The following BMPR1B variants were observed in gnomAD, a reference collection of about 807,000 sequenced individuals.
BMPR1B encodes the protein bone morphogenetic protein receptor type 1B, also known as bone morphogenetic protein receptor type-1B.
BMPR1B carries 12 observed loss-of-function variants against 59.1 expected under a neutral mutation model. That is an observed-to-expected ratio of 0.20 (90% CI 0.13 to 0.33). The LOEUF (loss-of-function observed/expected upper bound fraction) is 0.33, where lower values mean the gene tolerates loss of function less well. Ranked by LOEUF, BMPR1B falls within the 10% of genes least tolerant of loss-of-function variation. BMPR1B has a pLI of 1.00. For missense variants in BMPR1B, 550 were observed against 610.9 expected (o/e 0.90, Z 1.05); for synonymous variants, 237 against 207.3 (o/e 1.14, Z -1.23).
chr4:95,104,031 C>T (rs746570770), intron 3 of BMPR1B, among the ~76,000 whole-genome samples: 5 of 152,014 alleles, frequency 3.3e-5, no homozygotes, highest in Non-Finnish European at 7.4e-5. Flanking sequence ...GTGTGCAGAT[C>T]TCTTAAACTT....
At chr4:94,986,040 A>T (rs1721384492) in intron 2 of BMPR1B, among the ~76,000 whole-genome samples, 2 of 152,194 alleles carry the variant, frequency 1.3e-5, no homozygotes, top group Admixed American at 1.3e-4. Context: ...AGTATCAATT[A>T]TAAGGGGGCA....
intron 3 of BMPR1B, among the ~76,000 whole-genome samples, chr4:95,058,011 C>T (rs774844696): frequency 7.9e-5 from 12 of 152,054 alleles, no homozygotes; most frequent in Admixed American, 2.6e-4. Context: ...TATAGAAATT[C>T]GGGATGTCAA....
chr4:94,880,099 G>A (rs1388824397), intron 2 of BMPR1B, among the ~76,000 whole-genome samples: 2 of 151,972 alleles, frequency 1.3e-5, no homozygotes, highest in Non-Finnish European at 2.9e-5. Context: ...TAAAAAACAT[G>A]CAACATGCTG....
intron 3 of BMPR1B, among the ~76,000 whole-genome samples, chr4:95,025,398 G>GT (rs1400807928): frequency 1.3e-5 from 2 of 152,156 alleles, no homozygotes; most frequent in Non-Finnish European, 2.9e-5. Flanking sequence ...ACACAGTGGA[G>GT]TTAATAGACT....
At chr4:94,987,234 GTAATATATAATA>G (rs1486890503) in intron 2 of BMPR1B, among the ~76,000 whole-genome samples, 6 of 141,898 alleles carry the variant, frequency 4.2e-5, no homozygotes, top group African/African-American at 1.3e-4. Flanking sequence ...TATAATATAT[GTAATATATAATA>G]TAATATAAAA....
intron 3 of BMPR1B, among the ~76,000 whole-genome samples, chr4:95,057,407 GC>G (rs1727011627): frequency 1.3e-5 from 2 of 151,992 alleles, no homozygotes; most frequent in Non-Finnish European, 2.9e-5. Context: ...ACCACGCCCA[GC>G]TATTTTTGTT....
chr4:95,122,479 TATTATA>T (rs748539956), intron 6 of BMPR1B, among the ~76,000 whole-genome samples: 6 of 152,290 alleles, frequency 3.9e-5, no homozygotes, highest in Non-Finnish European at 7.4e-5. Flanking sequence ...TGTATTAAAA[TATTATA>T]ATTATGTGTC....
intron 10 of BMPR1B, among the ~76,000 whole-genome samples, chr4:95,148,237 G>A (rs1734783380): frequency 6.6e-6 from 1 of 152,110 alleles, no homozygotes; most frequent in Non-Finnish European, 1.5e-5. Context: ...ACATGAAATT[G>A]TCATGTGTGC....
At chr4:95,056,678 A>G (rs964087077) in intron 3 of BMPR1B, among the ~76,000 whole-genome samples, 1 of 152,152 alleles carries the variant, frequency 6.6e-6, no homozygotes, top group Non-Finnish European at 1.5e-5. Flanking sequence ...ATTTAGGATA[A>G]AATCCAGATC....
intron 1 of BMPR1B, among the ~76,000 whole-genome samples, chr4:94,768,831 A>G (rs1199090684): frequency 6.6e-6 from 1 of 152,208 alleles, no homozygotes; most frequent in Non-Finnish European, 1.5e-5. Context: ...TATATTTTGA[A>G]CAAAGGAATG....
At chr4:95,077,094 A>G (rs1209080257) in intron 3 of BMPR1B, among the ~76,000 whole-genome samples, 1 of 152,192 alleles carries the variant, frequency 6.6e-6, no homozygotes, top group Non-Finnish European at 1.5e-5. Flanking sequence ...AACATTGGTT[A>G]GGGACAGGTA....
Position 95,116,421 on chromosome 4 carries a change from G to GCGCACACACACACACACA in BMPR1B, c.349+635_349+636insGCACACACACACACACAC. ...CTCCTCCTCCATGCTTTCAGCGCGCGCACACACACACACACACACACACAC... is the reference window on the plus strand; with the variant it reads ...CTCCTCCTCCATGCTTTCAGCGCGCGCGCACACACACACACACACACACACACACACACACACACACAC... On this transcript the variant is annotated intron_variant, in intron 6 of 12. Coordinates refer to ENST00000515059, the MANE Select transcript of BMPR1B (RefSeq NM_001203.3). Among the ~76,000 whole-genome samples the GCGCACACACACACACACA allele has an allele frequency of 1.2e-3, 153 of 123,248 alleles. 1 individual carries two copies. Among genetic ancestry groups the GCGCACACACACACACACA allele is most frequent in the Middle Eastern group, 8.8e-3 (2 of 228 alleles). The allele number at this position is 123,248 out of a possible 152,430, so 80.9% of individuals were successfully genotyped here.
At position 95,151,011 on chromosome 4, in the gene BMPR1B, A is replaced by C. The variant is rs1246626746; in HGVS notation, c.1253-1632A>C. On this transcript the variant is annotated intron_variant, in intron 11 of 12. Transcript: ENST00000515059. Reference sequence around the variant, plus strand: ...TTTCCAGAGAGGCAAAGCACACAAAATTCTATTTTCTAACACTTTATGAAG... The same window carrying C: ...TTTCCAGAGAGGCAAAGCACACAAACTTCTATTTTCTAACACTTTATGAAG... 2.6e-5 allele frequency among the ~76,000 whole-genome samples: 4 copies of C among 152,210 alleles called. No individual in the cohort carries two copies. The East Asian group carries it at 7.7e-4, about 29-fold the overall frequency.
intron 3 of BMPR1B, among the ~76,000 whole-genome samples, chr4:95,095,304 G>A (rs1160029358): frequency 1.3e-5 from 2 of 152,154 alleles, no homozygotes; most frequent in Non-Finnish European, 2.9e-5. Context: ...TTATTCCTGT[G>A]TGAAATAGAC....
chr4:94,795,844 G>A (rs1400114243), intron 1 of BMPR1B, among the ~76,000 whole-genome samples: 1 of 152,128 alleles, frequency 6.6e-6, no homozygotes, highest in Non-Finnish European at 1.5e-5. Flanking sequence ...CAAACAAGCA[G>A]CCTCGGACTT....
intron 1 of BMPR1B, among the ~76,000 whole-genome samples, chr4:94,866,740 T>C (rs1488504343): frequency 6.6e-6 from 1 of 152,100 alleles, no homozygotes; most frequent in Non-Finnish European, 1.5e-5. Flanking sequence ...TGCGCCACCA[T>C]GCCTGGCTAA....
chr4:94,773,473 A>G (rs1368502329), intron 1 of BMPR1B, among the ~76,000 whole-genome samples: 1 of 152,108 alleles, frequency 6.6e-6, no homozygotes, highest in Non-Finnish European at 1.5e-5. Flanking sequence ...AGTACCATTT[A>G]CACAATTTTA....
At chr4:94,803,460 T>C (rs1226394016) in intron 1 of BMPR1B, among the ~76,000 whole-genome samples, 4 of 152,184 alleles carry the variant, frequency 2.6e-5, no homozygotes, top group African/African-American at 9.6e-5. Flanking sequence ...GTGAGTAGGG[T>C]GGGACTGTTG....
chr4:95,088,405 C>T (rs1729747008), intron 3 of BMPR1B, among the ~76,000 whole-genome samples: 1 of 151,904 alleles, frequency 6.6e-6, no homozygotes, highest in South Asian at 2.1e-4. Context: ...TTTTTTCCTC[C>T]TTTATTGGTG....
Sources: allele counts gnomAD v4.1 joint callset (sites outside exome capture counted in the v4.1 genomes callset), GRCh38; gene constraint gnomAD v4.1.1; transcripts MANE v1.5; gene names NCBI Gene and HGNC (gene_info 2026-07-23, HGNC 2026-07-21).